Variants in THSD7A observed in about 807,000 individuals in gnomAD.
The protein encoded by THSD7A is thrombospondin type 1 domain containing 7A.
THSD7A carries 96 observed loss-of-function variants against 231.3 expected under a neutral mutation model. The ratio of observed to expected loss-of-function variants is 0.41; its 90% CI spans 0.35 to 0.49. The LOEUF (loss-of-function observed/expected upper bound fraction) is 0.49. Among genes scored for constraint, THSD7A ranks in the 20% least tolerant of loss-of-function variants. The pLI is 0.05. For missense variants in THSD7A, 2,290 were observed against 2,070.2 expected (o/e 1.11, Z -2.06); for synonymous variants, 940 against 743.3 (o/e 1.26, Z -4.30).
chr7:11,574,580 G>A (rs185420944), intron 4 of THSD7A, among the ~76,000 whole-genome samples: 3,738 of 149,718 alleles, frequency 0.025, 66 homozygotes, highest in South Asian at 0.054. Flanking sequence ...GACTACAGGC[G>A]CCCACCACCA....
At chr7:11,475,374 G>C (rs1363349595) in intron 7 of THSD7A, among the ~76,000 whole-genome samples, 3 of 151,956 alleles carry the variant, frequency 2.0e-5, no homozygotes, top group Non-Finnish European at 4.4e-5. Flanking sequence ...TTCTGCGGCA[G>C]CACAGCCCCA....
intron 1 of THSD7A, among the ~76,000 whole-genome samples, chr7:11,689,108 G>A (rs1262629880): frequency 6.6e-6 from 1 of 151,936 alleles, no homozygotes; most frequent in East Asian, 2.0e-4. Flanking sequence ...ATTTGACAAT[G>A]ACAATGTAAG....
At chr7:11,447,136 T>C in intron 12 of THSD7A, 94 bp downstream of exon 12, 2 of 1,215,066 alleles carry the variant, frequency 1.6e-6, no homozygotes, top group Non-Finnish European at 2.3e-6. Flanking sequence ...GGCATATTAT[T>C]TTTCAAATAC....
chr7:11,625,900 G>T (rs1419336612), intron 2 of THSD7A, among the ~76,000 whole-genome samples: 1 of 152,058 alleles, frequency 6.6e-6, no homozygotes, highest in Non-Finnish European at 1.5e-5. Context: ...TGCTGCCAAG[G>T]AAATGCAAGG....
intron 1 of THSD7A, among the ~76,000 whole-genome samples, chr7:11,762,043 G>A (rs1211452306): frequency 6.6e-6 from 1 of 151,984 alleles, no homozygotes; most frequent in Non-Finnish European, 1.5e-5. Flanking sequence ...TTGGATGATG[G>A]CCTCCAGTTT....
At chr7:11,736,887 C>A (rs1290445035) in intron 1 of THSD7A, among the ~76,000 whole-genome samples, 2 of 151,988 alleles carry the variant, frequency 1.3e-5, no homozygotes, top group East Asian at 3.9e-4. Flanking sequence ...ATAATTGAAT[C>A]ATGGGGGCAG....
At chr7:11,580,634 A>G (rs573320732) in intron 4 of THSD7A, among the ~76,000 whole-genome samples, 1 of 152,342 alleles carries the variant, frequency 6.6e-6, no homozygotes, top group African/African-American at 2.4e-5. Context: ...AGACAGGAAC[A>G]GAAAACCAAA....
At chr7:11,432,760 GTGC>G (rs1784518323) in intron 13 of THSD7A, among the ~76,000 whole-genome samples, 1 of 152,004 alleles carries the variant, frequency 6.6e-6, no homozygotes, top group African/African-American at 2.4e-5. Context: ...ATTATTAACA[GTGC>G]TGCTATGAAT....
chr7:11,758,010 CATATATATATATAT>C (rs3037680), intron 1 of THSD7A, among the ~76,000 whole-genome samples: 1 of 142,824 alleles, frequency 7.0e-6, no homozygotes, highest in African/African-American at 2.5e-5. Flanking sequence ...CATATGCATT[CATATATATATATAT>C]ATATATATAT....
chr7:11,541,394 A>G (rs747911500), intron 6 of THSD7A, 25 bp downstream of exon 6: 26 of 1,610,892 alleles, frequency 1.6e-5, no homozygotes, highest in Middle Eastern at 1.6e-4. Flanking sequence ...CATCCATAAA[A>G]ACATAATAGA....
intron 11 of THSD7A, among the ~76,000 whole-genome samples, chr7:11,457,371 A>C (rs868247094): frequency 6.6e-6 from 1 of 151,926 alleles, no homozygotes; most frequent in African/African-American, 2.4e-5. Flanking sequence ...GTTAGAGTTA[A>C]AGAGTCATAT....
intron 1 of THSD7A, among the ~76,000 whole-genome samples, chr7:11,806,547 C>T (rs1583306069): frequency 6.6e-6 from 1 of 152,072 alleles, no homozygotes; most frequent in Admixed American, 6.6e-5. Context: ...TCAGGCAATG[C>T]TGCAGGTGAC....
intron 1 of THSD7A, among the ~76,000 whole-genome samples, chr7:11,718,375 G>C (rs1427300541): frequency 1.3e-5 from 2 of 151,502 alleles, no homozygotes; most frequent in African/African-American, 2.4e-5. Flanking sequence ...TTTCATTTCT[G>C]TGTTAAATCT....
chr7:11,793,899 C>G (rs1030154314), intron 1 of THSD7A, among the ~76,000 whole-genome samples: 1 of 151,568 alleles, frequency 6.6e-6, no homozygotes, highest in Non-Finnish European at 1.5e-5. Flanking sequence ...GAAATCAAAA[C>G]TAACAATATA....
chr7:11,567,271 C>G (rs995030294), intron 4 of THSD7A, among the ~76,000 whole-genome samples: 1 of 152,056 alleles, frequency 6.6e-6, no homozygotes, highest in African/African-American at 2.4e-5. Flanking sequence ...ACTTCCCCCT[C>G]AAGGCAGCAG....
At chr7:11,775,906 C>G (rs1365857976) in intron 1 of THSD7A, among the ~76,000 whole-genome samples, 1 of 152,150 alleles carries the variant, frequency 6.6e-6, no homozygotes. Flanking sequence ...AAATTAATTA[C>G]TAACTGTGAA....
chr7:11,815,022 TCAGA>T (rs1414978109), intron 1 of THSD7A, among the ~76,000 whole-genome samples: 1 of 151,940 alleles, frequency 6.6e-6, no homozygotes, highest in African/African-American at 2.4e-5. Context: ...ACATGGTTGC[TCAGA>T]CACTTTAATT....
chr7:11,550,197 C>A, intron 4 of THSD7A, among the ~76,000 whole-genome samples: 1 of 151,904 alleles, frequency 6.6e-6, no homozygotes, highest in Non-Finnish European at 1.5e-5. Flanking sequence ...CCAATAACAT[C>A]CAAGATGAAA....
intron 9 of THSD7A, among the ~76,000 whole-genome samples, chr7:11,469,391 C>A (rs1217427735): frequency 6.6e-6 from 1 of 152,054 alleles, no homozygotes; most frequent in Admixed American, 6.6e-5. Flanking sequence ...TTCATAAATT[C>A]CTCATGACAC....
Sources: allele counts gnomAD v4.1 joint callset (sites outside exome capture counted in the v4.1 genomes callset), GRCh38; gene constraint gnomAD v4.1.1; transcripts MANE v1.5; gene names NCBI Gene and HGNC (gene_info 2026-07-23, HGNC 2026-07-21).